CRTC1: variants seen among roughly 807,000 people sequenced by gnomAD.
CRTC1 encodes the protein CREB-regulated transcription coactivator 1.
In CRTC1, 18 loss-of-function variants were observed where a neutral mutation model predicts 66.1. The ratio of observed to expected loss-of-function variants is 0.27; its 90% CI spans 0.19 to 0.40. CRTC1 has a LOEUF of 0.40. CRTC1 is among the 10% of genes least tolerant of loss of function. CRTC1 has a pLI of 1.00. For missense variants in CRTC1, 669 were observed against 887.9 expected (o/e 0.75, Z 3.13); for synonymous variants, 416 against 398.8 (o/e 1.04, Z -0.51).
chr19:18,706,182 CTTTTTTTTTTTTTTTTTTTTTTT>C (rs58104974), intron 1 of CRTC1, among the ~76,000 whole-genome samples: 31 of 18,720 alleles, frequency 1.7e-3, no homozygotes, highest in South Asian at 3.7e-3. Context: ...TTCCATTGGT[CTTTTTTTTTTTTTTTTTTTTTTT>C]TTTTTTTTTT....
At chr19:18,701,753 G>A (rs1429556042) in intron 1 of CRTC1, among the ~76,000 whole-genome samples, 1 of 151,906 alleles carries the variant, frequency 6.6e-6, no homozygotes, top group African/African-American at 2.4e-5. Context: ...TTACAGGCGT[G>A]TGTCACCAGG....
In CRTC1 at chr19:18,781,147, A is replaced by G. The variant is rs528601932; in HGVS notation, c.*3765A>G. 1.8e-4 allele frequency: 42 copies of G among 227,114 alleles called. No homozygotes were observed. The highest frequency in any genetic ancestry group is 1.3e-3 in the Middle Eastern group (1 of 752). 14.1% of individuals were successfully genotyped at this position (227,114 alleles called of 1,614,324 possible). On this transcript the variant is annotated 3_prime_UTR_variant, in exon 14 of 14. Coordinates refer to ENST00000321949, the MANE Select transcript of CRTC1 (RefSeq NM_015321.3). ...GGTGGGACGCAGGGGCTCTCAGAGC[A>G]AGGGCCACAAAGCCGATGGCACAGA...
chr19:18,725,865 G>A (rs1013977494), intron 1 of CRTC1, among the ~76,000 whole-genome samples: 3 of 152,166 alleles, frequency 2.0e-5, no homozygotes, highest in Non-Finnish European at 2.9e-5. Flanking sequence ...CCCGTGTGTC[G>A]CGCTTCCGGG....
chr19:18,745,700 G>A (rs557969090), intron 2 of CRTC1, 123 bp from the exon 3 acceptor site: 20 of 1,260,828 alleles, frequency 1.6e-5, no homozygotes, highest in East Asian at 1.4e-4. Flanking sequence ...GCTGTGGAGC[G>A]ATGGCCGAGG....
chr19:18,739,034 A>C (rs915815196), intron 1 of CRTC1, among the ~76,000 whole-genome samples: 6 of 152,264 alleles, frequency 3.9e-5, no homozygotes, highest in African/African-American at 1.2e-4. Flanking sequence ...GGGCCCTCCA[A>C]ATCGCCAGTG....
At chr19:18,753,219 T>C (rs2054407761) in intron 5 of CRTC1, among the ~76,000 whole-genome samples, 1 of 151,896 alleles carries the variant, frequency 6.6e-6, no homozygotes, top group Non-Finnish European at 1.5e-5. Flanking sequence ...GAGCTTGCAG[T>C]GAGCTGAGAT....
At chr19:18,744,246 C>A in intron 2 of CRTC1, 1 of 1,286,994 alleles carries the variant, frequency 7.8e-7, no homozygotes. Flanking sequence ...TCCCTGAGCT[C>A]CCCAAGCGGC....
At chr19:18,730,050 G>A (rs1461314254) in intron 1 of CRTC1, among the ~76,000 whole-genome samples, 1 of 152,170 alleles carries the variant, frequency 6.6e-6, no homozygotes, top group Non-Finnish European at 1.5e-5. Flanking sequence ...CACACAGATC[G>A]AGGTGGGATG....
At chr19:18,758,047 A>G (rs193010265) in intron 6 of CRTC1, among the ~76,000 whole-genome samples, 42 of 150,622 alleles carry the variant, frequency 2.8e-4, no homozygotes, top group Admixed American at 2.6e-3. Flanking sequence ...AAAAATTAAA[A>G]CTAAAATTAA....
chr19:18,774,701 G>T (rs193151100), intron 11 of CRTC1, among the ~76,000 whole-genome samples, 199 bp from the exon 12 acceptor site: 153 of 152,308 alleles, frequency 1.0e-3, no homozygotes, highest in African/African-American at 3.5e-3. Flanking sequence ...GGTTGCAGAG[G>T]CCTCCCAGGA....
At chr19:18,726,644 A>G (rs1248153713) in intron 1 of CRTC1, among the ~76,000 whole-genome samples, 1 of 152,198 alleles carries the variant, frequency 6.6e-6, no homozygotes, top group East Asian at 1.9e-4. Context: ...AAAGAAGACA[A>G]AGGCTGGGCG....
chr19:18,704,940 C>G (rs1430792027), intron 1 of CRTC1, among the ~76,000 whole-genome samples: 1 of 145,822 alleles, frequency 6.9e-6, no homozygotes, highest in Non-Finnish European at 1.5e-5. Context: ...TCCTACTACC[C>G]TCCATTCCCT....
chr19:18,706,182 C>CTTTTTTTTTTTTTTTTT lies in CRTC1; in HGVS notation c.126+22379_126+22395dup, dbSNP rs58104974. On this transcript the variant is annotated intron_variant, in intron 1 of 13. Coordinates refer to ENST00000321949, the MANE Select transcript of CRTC1 (RefSeq NM_015321.3). ...GGGCTTTCTATTCTATTCCATTGGT[C>CTTTTTTTTTTTTTTTTT]TTTTTTTTTTTTTTTTTTTTTTTTT... is the stretch of plus-strand genomic sequence containing the variant. Among the ~76,000 whole-genome samples the CTTTTTTTTTTTTTTTTT allele has an allele frequency of 2.1e-4, 4 of 18,720 alleles. 2 individuals are homozygous for CTTTTTTTTTTTTTTTTT. Among genetic ancestry groups the CTTTTTTTTTTTTTTTTT allele is most frequent in the Non-Finnish European group, 4.3e-4 (4 of 9,218 alleles). The allele number at this position is 18,720 out of a possible 152,430, so 12.3% of individuals were successfully genotyped here.
At chr19:18,776,577 C>T (rs1303093549) in intron 13 of CRTC1, among the ~76,000 whole-genome samples, 20 of 152,308 alleles carry the variant, frequency 1.3e-4, no homozygotes, top group Middle Eastern at 3.4e-3. Context: ...CAGCAGTTGA[C>T]GAGAAATTCA....
At chr19:18,708,245 C>T (rs1303771196) in intron 1 of CRTC1, among the ~76,000 whole-genome samples, 5 of 152,090 alleles carry the variant, frequency 3.3e-5, no homozygotes, top group African/African-American at 1.2e-4. Flanking sequence ...AGAGCTTGGA[C>T]GTGATCCCAC....
In CRTC1 at chr19:18,752,244, T is replaced by A. The variant is rs185779068; in HGVS notation, c.539-1256T>A. Among the ~76,000 whole-genome samples the A allele has an allele frequency of 3.5e-3, 540 of 152,142 alleles. 3 individuals are homozygous for A. Among genetic ancestry groups the A allele is most frequent in the African/African-American group, 0.012 (516 of 41,514 alleles). ...TGGCTGTTCTCTGTAGCCTGACGCCTCTGAGGCCCACGTTGGTTCAGCCTC... is the reference window on the plus strand; with the variant it reads ...TGGCTGTTCTCTGTAGCCTGACGCCACTGAGGCCCACGTTGGTTCAGCCTC... On this transcript the variant is annotated intron_variant, in intron 5 of 13. Transcript: ENST00000321949.
At chr19:18,740,277 G>A (rs2054083874) in intron 1 of CRTC1, among the ~76,000 whole-genome samples, 1 of 151,842 alleles carries the variant, frequency 6.6e-6, no homozygotes, top group African/African-American at 2.4e-5. Context: ...TCACCCAAGG[G>A]AAGAGGCAGA....
Position 18,771,235 on chromosome 19 carries a change from C to T in CRTC1, c.1321-207C>T, listed in dbSNP as rs552818397. ...CCTCCACGCCGTTCCTTCCTGGGTT[C>T]GGGGGCAGCTCCCCGGAGGCTCAGG... On this transcript the variant is annotated intron_variant, in intron 10 of 13. Coordinates refer to ENST00000321949, the MANE Select transcript of CRTC1 (RefSeq NM_015321.3). This position sits in a 1 kb window ranked among gnomAD's most constrained non-coding sequence, Gnocchi z 4.6. 2.0e-4 allele frequency among the ~76,000 whole-genome samples: 10 copies of T among 49,024 alleles called. No homozygotes were observed. The highest frequency in any genetic ancestry group is 2.8e-4 in the African/African-American group (3 of 10,816). 32.2% of individuals were successfully genotyped at this position (49,024 alleles called of 152,430 possible). A position where few individuals can be genotyped will look rare whatever the true frequency, so the allele number is the denominator to read the frequency against.
chr19:18,705,291 A>G (rs918975307), intron 1 of CRTC1, among the ~76,000 whole-genome samples: 2 of 152,106 alleles, frequency 1.3e-5, no homozygotes. Context: ...GTATATTCCC[A>G]GACATGGGAT....
Sources: allele counts gnomAD v4.1 joint callset (sites outside exome capture counted in the v4.1 genomes callset), GRCh38; gene constraint gnomAD v4.1.1; non-coding constraint Gnocchi (gnomAD v3.1); transcripts MANE v1.5; gene names NCBI Gene and HGNC (gene_info 2026-07-23, HGNC 2026-07-21).